The following RNF130 variants were observed in gnomAD, a reference collection of about 807,000 sequenced individuals.
RNF130 encodes the protein ring finger protein 130, also known as E3 ubiquitin-protein ligase RNF130.
RNF130 carries 21 observed loss-of-function variants against 44.6 expected under a neutral mutation model. That is an observed-to-expected ratio of 0.47 (90% CI 0.33 to 0.68). RNF130 has a LOEUF of 0.68. Among genes scored for constraint, RNF130 ranks in the 30% least tolerant of loss-of-function variants. The pLI is 0.02. For synonymous variants in RNF130, 214 were observed against 210.4 expected (o/e 1.02, Z -0.15); for missense variants, 479 against 560.6 (o/e 0.85, Z 1.47).
In RNF130 at chr5:180,034,218, T is replaced by C. The variant is rs1764198890; in HGVS notation, c.442+6235A>G. 2.0e-5 allele frequency among the ~76,000 whole-genome samples: 3 copies of C among 151,840 alleles called. No individual in the cohort carries two copies. The South Asian group carries it at 6.2e-4, about 31-fold the overall frequency. ...TTTTCAGATGTAAAAAAAAAAACCA[T>C]ATATCCCATTCCTGGGGTAATGAAT... On this transcript the variant is annotated intron_variant, in intron 2 of 8. Transcript: ENST00000521389.
At chr5:180,059,837 G>A (rs1764931706) in intron 1 of RNF130, among the ~76,000 whole-genome samples, 1 of 152,166 alleles carries the variant, frequency 6.6e-6, no homozygotes. Context: ...GCAGAACGAC[G>A]GCTCCCTCAA....
intron 1 of RNF130, among the ~76,000 whole-genome samples, chr5:180,070,228 G>A (rs1336510273): frequency 6.6e-6 from 1 of 152,158 alleles, no homozygotes; most frequent in African/African-American, 2.4e-5. Context: ...ATGAACCCAA[G>A]ACAAAAGTTG....
chr5:180,014,501 T>C (rs1001753641), intron 2 of RNF130, among the ~76,000 whole-genome samples: 8 of 152,150 alleles, frequency 5.3e-5, no homozygotes, highest in Non-Finnish European at 1.0e-4. Context: ...TGAATTTGAA[T>C]AAGGTTTGTA....
chr5:180,018,712 G>A (rs1304597060), intron 2 of RNF130, among the ~76,000 whole-genome samples: 9 of 152,078 alleles, frequency 5.9e-5, no homozygotes, highest in Admixed American at 1.3e-4. Context: ...TTCTCTCTTC[G>A]CCCCCTGCCC....
chr5:179,974,242 C>G (rs1051806407), intron 5 of RNF130, among the ~76,000 whole-genome samples: 11 of 152,180 alleles, frequency 7.2e-5, no homozygotes, highest in African/African-American at 2.7e-4. Context: ...GGCCGGCCCC[C>G]CGCTTTAGCT....
intron 5 of RNF130, among the ~76,000 whole-genome samples, chr5:179,972,608 C>A (rs1762611292): frequency 6.6e-6 from 1 of 151,494 alleles, no homozygotes; most frequent in Non-Finnish European, 1.5e-5. Flanking sequence ...TGGGGGGTGG[C>A]TGGGCTTGCT....
intron 7 of RNF130, among the ~76,000 whole-genome samples, chr5:179,926,523 C>A (rs924173512): frequency 7.1e-6 from 1 of 140,416 alleles, no homozygotes; most frequent in Non-Finnish European, 1.5e-5. Flanking sequence ...GTGGCGCATG[C>A]CTGTAATCCC....
intron 7 of RNF130, chr5:179,933,981 G>A: frequency 5.5e-6 from 2 of 365,666 alleles, no homozygotes; most frequent in Admixed American, 4.2e-5. Context: ...GCTGATTATG[G>A]CACACTTGTT....
At chr5:179,936,263 G>A (rs1038622419) in intron 7 of RNF130, among the ~76,000 whole-genome samples, 2 of 152,214 alleles carry the variant, frequency 1.3e-5, no homozygotes, top group East Asian at 3.9e-4. Context: ...GGGACTACAG[G>A]TAATTAAAAA....
At chr5:179,923,028 T>C (rs537240119) in intron 7 of RNF130, among the ~76,000 whole-genome samples, 1 of 152,350 alleles carries the variant, frequency 6.6e-6, no homozygotes, top group East Asian at 1.9e-4. Flanking sequence ...CAATGTCTTT[T>C]GAAGATTAAA....
intron 7 of RNF130, among the ~76,000 whole-genome samples, chr5:179,941,658 C>A (rs1411041847): frequency 6.6e-6 from 1 of 152,142 alleles, no homozygotes; most frequent in African/African-American, 2.4e-5. Context: ...TATCTCTGTA[C>A]CTCCCTCTTC....
chr5:179,968,498 T>G lies in RNF130; in HGVS notation c.946-1488A>C, dbSNP rs192392368. 7.7e-3 allele frequency among the ~76,000 whole-genome samples: 1,163 copies of G among 150,974 alleles called. 19 individuals carry two copies. Among genetic ancestry groups the G allele is most frequent in the African/African-American group, 0.027 (1,099 of 41,106 alleles). ...CTGGCCAACATGGGGAAACCCCATC[T>G]CTACTAAAAACACAAAAATTAGCCA... is the stretch of plus-strand genomic sequence containing the variant. On this transcript the variant is annotated intron_variant, in intron 6 of 8. Coordinates refer to ENST00000521389, the MANE Select transcript of RNF130 (RefSeq NM_018434.6).
At chr5:179,939,161 G>A (rs1761939300) in intron 7 of RNF130, among the ~76,000 whole-genome samples, 1 of 152,082 alleles carries the variant, frequency 6.6e-6, no homozygotes, top group South Asian at 2.1e-4. Flanking sequence ...AGGTTGCAGT[G>A]AGCTGAGGTC....
rs1765276896 is a variant in RNF130 at position 180,071,695 on chromosome 5, C to CAGCT, written c.4_7dup (p.Cys3Ter). On this transcript the variant is annotated stop_gained and frameshift_variant, in exon 1 of 9. Transcript: ENST00000521389. LOFTEE classifies it high-confidence loss of function. The stretch of plus-strand genomic sequence containing the variant: ...CCGGGCAGGGCCCGCCCGCCCCGCG[C>CAGCT]AGCTCATCGTCCCTCCGGCAGCCGC... The CAGCT allele has an allele frequency of 7.3e-7, 1 of 1,374,432 alleles. No individual in the cohort carries two copies. The highest frequency in any genetic ancestry group is 9.4e-7 in the Non-Finnish European group (1 of 1,059,466). 85.1% of individuals were successfully genotyped at this position (1,374,432 alleles called of 1,614,324 possible).
At chr5:180,024,367 G>A (rs1763943435) in intron 2 of RNF130, among the ~76,000 whole-genome samples, 1 of 152,168 alleles carries the variant, frequency 6.6e-6, no homozygotes, top group Non-Finnish European at 1.5e-5. Context: ...TACCTAACAG[G>A]AAACTGGGTG....
intron 7 of RNF130, among the ~76,000 whole-genome samples, chr5:179,941,205 T>C (rs1010443138): frequency 6.6e-6 from 1 of 152,216 alleles, no homozygotes; most frequent in African/African-American, 2.4e-5. Flanking sequence ...CTTGCCTGCT[T>C]CGTTTGGTTG....
chr5:180,016,331 C>G (rs1284292856), intron 2 of RNF130, among the ~76,000 whole-genome samples: 1 of 85,366 alleles, frequency 1.2e-5, no homozygotes, highest in Non-Finnish European at 2.4e-5. Context: ...CTGAGGAGCT[C>G]TGGCCCAGTT....
Position 180,071,553 on chromosome 5 carries a change from G to C in RNF130, c.150C>G (p.Ala50=). ...NVTVQEPGRG[A]PLTFRIDRGR... Reference sequence around the variant, plus strand: ...CGCGGTCGATGCGAAACGTGAGCGGGGCGCCGCGGCCGGGCTCCTGCACCG... The same window carrying C: ...CGCGGTCGATGCGAAACGTGAGCGGCGCGCCGCGGCCGGGCTCCTGCACCG... Residue 50 remains alanine (A), a synonymous_variant, in exon 1 of 9, where the codon GCC becomes GCG. Transcript: ENST00000521389. 1 of 1,423,206 alleles carries C rather than the reference G, an allele frequency of 7.0e-7. No individual in the cohort carries two copies. Among genetic ancestry groups the C allele is most frequent in the Non-Finnish European group, 9.3e-7 (1 of 1,080,350 alleles). 88.2% of individuals were successfully genotyped at this position (1,423,206 alleles called of 1,614,324 possible). A position where few individuals can be genotyped will look rare whatever the true frequency, so the allele number is the denominator to read the frequency against.
intron 2 of RNF130, among the ~76,000 whole-genome samples, chr5:180,016,122 G>A (rs539610656): frequency 6.6e-6 from 1 of 151,904 alleles, no homozygotes; most frequent in East Asian, 1.9e-4. Context: ...TCGGGCAGGA[G>A]GACAGCAGAA....
Sources: gnomAD v4.1 joint callset for allele counts (sites outside exome capture counted in the v4.1 genomes callset) on GRCh38, gnomAD v4.1.1 for gene constraint, MANE v1.5 for transcripts, NCBI Gene and HGNC (gene_info 2026-07-23, HGNC 2026-07-21) for gene names.